KIF12: variants seen among roughly 807,000 people sequenced by gnomAD.
The protein encoded by KIF12 is kinesin-like protein KIF12.
A neutral mutation model predicts 87.9 loss-of-function variants in KIF12; 80 were observed. The observed-to-expected ratio is 0.91, with a 90% CI of 0.76 to 1.10. The LOEUF (loss-of-function observed/expected upper bound fraction) is 1.10. KIF12 is among the 50% of genes least tolerant of loss of function. KIF12 has a pLI of 0.00. For missense variants in KIF12, 819 were observed against 865.3 expected (o/e 0.95, Z 0.67); for synonymous variants, 353 against 348.5 (o/e 1.01, Z -0.14).
At position 114,096,494 on chromosome 9, in the gene KIF12, A is replaced by T. The variant is rs1415402159; in HGVS notation, c.647-16T>A. On this transcript the variant is annotated splice_polypyrimidine_tract_variant and intron_variant, in intron 7 of 18. Coordinates refer to ENST00000640217, the MANE Select transcript of KIF12 (RefSeq NM_001388308.1). ...CGGCTGAGACCTGGAAGGGAAAAACATCAGGAGCTGGACCTGGTAGGAAGA... is the reference window on the plus strand; with the variant it reads ...CGGCTGAGACCTGGAAGGGAAAAACTTCAGGAGCTGGACCTGGTAGGAAGA... 2.5e-6 allele frequency: 4 copies of T among 1,592,920 alleles called. No homozygotes were observed. Among genetic ancestry groups the T allele is most frequent in the Non-Finnish European group, 2.6e-6 (3 of 1,166,454 alleles).
rs775602719 is a variant in KIF12, at chr9:114,091,836, A to G, written c.*25T>C. On this transcript the variant is annotated 3_prime_UTR_variant, in exon 19 of 19. Transcript: ENST00000640217. ...GGAGCCCAGTCTGAGGTCACACAGC[A>G]GTCTCCTGGGTTCCCACTTGGCCTT... 6.4e-7 allele frequency: 1 copy of G among 1,573,464 alleles called. No individual in the cohort carries two copies. The highest frequency in any genetic ancestry group is 1.8e-5 in the Admixed American group (1 of 56,094).
At position 114,099,109 on chromosome 9, in the gene KIF12, C is replaced by T. The variant is rs955279294; in HGVS notation, c.87G>A (p.Val29=). ...CCTAGCCAATTTATACCCACCTGAG[C>T]ACCACCTGGATGGGCGTTTCCGGCC... ...PEGPETPIQV[V]LRVRPMSAAE... Residue 29 remains valine (V), a synonymous_variant, in exon 2 of 19, where the codon GTG becomes GTA. Coordinates refer to ENST00000640217, the MANE Select transcript of KIF12 (RefSeq NM_001388308.1). The T allele has an allele frequency of 1.9e-6, 3 of 1,550,572 alleles. No homozygotes were observed. Among genetic ancestry groups the T allele is most frequent in the Non-Finnish European group, 2.6e-6 (3 of 1,146,980 alleles).
At position 114,092,529 on chromosome 9, in the gene KIF12, A is replaced by C; in HGVS notation, c.1697+13T>G. 6.2e-7 allele frequency: 1 copy of C among 1,612,946 alleles called. No individual in the cohort carries two copies. Among genetic ancestry groups the C allele is most frequent in the South Asian group, 1.1e-5 (1 of 90,976 alleles). On this transcript the variant is annotated intron_variant, in intron 17 of 18. Coordinates refer to ENST00000640217, the MANE Select transcript of KIF12 (RefSeq NM_001388308.1). ...CACCCCTCTCTGACCTCAGTGCCCC[A>C]GGAGAGACCCACCTCTCTCTTGGGC...
chr9:114,094,197 C>T lies in KIF12; in HGVS notation c.1297G>A (p.Glu433Lys). The T allele has an allele frequency of 6.2e-7, 1 of 1,613,788 alleles. No homozygotes were observed. Among genetic ancestry groups the T allele is most frequent in the Non-Finnish European group, 8.5e-7 (1 of 1,179,874 alleles). ...GTGCCCTACCTGAGCCTCTCATTCT[C>T]TAGCATGAACTCCTGTAGCATCCCG... ...LYGMLQEFML[E>K]NERLRKEKSQ... is the part of the protein sequence containing the mutation. Residue 433 changes from glutamate to lysine, a missense_variant, in exon 13 of 19, where the codon GAG becomes AAG. By Grantham distance (56) the Glu-to-Lys change is moderately conservative (BLOSUM62 1). Transcript: ENST00000640217.
rs1217730298 is a variant in KIF12 at position 114,092,588 on chromosome 9, A to G, written c.1651T>C (p.Trp551Arg). The G allele has an allele frequency of 1.9e-6, 3 of 1,606,876 alleles. No individual in the cohort carries two copies. Among genetic ancestry groups the G allele is most frequent in the Non-Finnish European group, 2.5e-6 (3 of 1,178,116 alleles). The part of the protein sequence containing the change: ...GRPPSARPPP[W>R]APPCSPGSAK... The stretch of plus-strand genomic sequence containing the variant: ...GAGCCAGGGCTGCATGGGGGTGCCC[A>G]GGGTGGGGGCCGGGCAGATGGGGGC... The change falls in exon 17 of 19, where the codon TGG becomes CGG. Residue 551 changes from tryptophan to arginine, a missense_variant. Coordinates refer to ENST00000640217, the MANE Select transcript of KIF12 (RefSeq NM_001388308.1).
chr9:114,097,538 T>G, intron 6 of KIF12, 69 bp downstream of exon 6: 2 of 1,600,442 alleles, frequency 1.2e-6, no homozygotes, highest in Non-Finnish European at 1.7e-6. Context: ...TGTCCTTTGA[T>G]CCAGGCTCCC....
intron 6 of KIF12, 83 bp downstream of exon 6, chr9:114,097,524 C>G (rs1847283454): frequency 6.3e-7 from 1 of 1,593,642 alleles, no homozygotes; most frequent in Admixed American, 1.7e-5. Flanking sequence ...CCCACCGCCT[C>G]TTCTGTCCTT....
At chr9:114,098,913 G>A in intron 3 of KIF12, 22 bp downstream of exon 3, 5 of 1,543,528 alleles carry the variant, frequency 3.2e-6, no homozygotes, top group Non-Finnish European at 4.4e-6. Context: ...TTATTGGGGA[G>A]ATAGAGAGAG....
Position 114,093,415 on chromosome 9 carries a change from G to C in KIF12, c.1483C>G (p.Pro495Ala), listed in dbSNP as rs542186713. 4.5e-6 allele frequency: 7 copies of C among 1,566,014 alleles called. No homozygotes were observed. In the African/African-American group the frequency reaches 9.4e-5, roughly 21 times the overall value. The change falls in exon 15 of 19, where the codon CCT becomes GCT. Residue 495 changes from proline (P) to alanine (A), a missense_variant. Coordinates refer to ENST00000640217, the MANE Select transcript of KIF12 (RefSeq NM_001388308.1). ...PCPCLMAPAP[P>A]CHALPPLYSC... ...TGGGCCGTGAGACTCACATGGCAAG[G>C]GGGAGCTGGGGCCATCAAGCAGGGA...
intron 13 of KIF12, 61 bp downstream of exon 13, chr9:114,094,120 G>A (rs975831758): frequency 4.1e-5 from 63 of 1,547,302 alleles, no homozygotes; most frequent in Non-Finnish European, 5.6e-5. Flanking sequence ...CAGTTTGCCA[G>A]AAGCAGCCTA....
At position 114,093,304 on chromosome 9, in the gene KIF12, G is replaced by A; in HGVS notation, c.1521C>T (p.Cys507=). 1.3e-6 allele frequency: 2 copies of A among 1,560,698 alleles called. No individual in the cohort carries two copies. Among genetic ancestry groups the A allele is most frequent in the Non-Finnish European group, 1.7e-6 (2 of 1,151,698 alleles). Residue 507 remains cysteine (C), a synonymous_variant, in exon 16 of 19, where the codon TGC becomes TGT. Transcript: ENST00000640217. ...HALPPLYSCP[C]CHICPLCRVP... ...CTCGACACAGTGGGCAGATGTGGCA[G>A]CAGGGGCAGGAGTAGAGGGGTGGCA...
In KIF12 at chr9:114,099,108, G is replaced by A; in HGVS notation, c.88C>T (p.Leu30Phe). Residue 30 changes from leucine (L) to phenylalanine (F), a missense_variant, in exon 2 of 19, where the codon CTC (leucine) becomes TTC (phenylalanine). Coordinates refer to ENST00000640217, the MANE Select transcript of KIF12 (RefSeq NM_001388308.1). ...TCCTAGCCAATTTATACCCACCTGA[G>A]CACCACCTGGATGGGCGTTTCCGGC... ...EGPETPIQVV[L>F]RVRPMSAAEL... 1 of 1,550,538 alleles carries A rather than the reference G, an allele frequency of 6.4e-7. No homozygotes were observed. Among genetic ancestry groups the A allele is most frequent in the South Asian group, 1.2e-5 (1 of 84,060 alleles).
At chr9:114,094,071 A>G (rs1847102931) in intron 13 of KIF12, 99 bp from the exon 14 acceptor site, 12 of 1,436,724 alleles carry the variant, frequency 8.4e-6, no homozygotes, top group Non-Finnish European at 7.8e-6. Flanking sequence ...TTCAGGAAGC[A>G]GGTGGGGACA....
chr9:114,094,076 G>T, intron 13 of KIF12, 104 bp from the exon 14 acceptor site: 5 of 1,434,572 alleles, frequency 3.5e-6, no homozygotes, highest in Non-Finnish European at 4.9e-6. Context: ...GAAGCAGGTG[G>T]GGACATAAGG....
Position 114,099,092 on chromosome 9 carries a change from A to T in KIF12, c.92+12T>A. On this transcript the variant is annotated intron_variant, in intron 2 of 18. Coordinates refer to ENST00000640217, the MANE Select transcript of KIF12 (RefSeq NM_001388308.1). ...GTCTCGCCCAGGTGCCTCCTAGCCA[A>T]TTTATACCCACCTGAGCACCACCTG... The T allele has an allele frequency of 6.5e-7, 1 of 1,550,386 alleles. No homozygotes were observed. The highest frequency in any genetic ancestry group is 8.7e-7 in the Non-Finnish European group (1 of 1,146,922).
At position 114,099,003 on chromosome 9, in the gene KIF12, T is replaced by G; in HGVS notation, c.103A>C (p.Met35Leu). Residue 35 changes from methionine (M) to leucine (L), a missense_variant, in exon 3 of 19, where the codon ATG (methionine) becomes CTG (leucine). Met to Leu is a conservative substitution (Grantham distance 15). Coordinates refer to ENST00000640217, the MANE Select transcript of KIF12 (RefSeq NM_001388308.1). ...CCTCGACGCAGCTCGGCCGCGCTCA[T>G]GGGACGTACCCTGGGGTCCGACAGA... ...PIQVVLRVRP[M>L]SAAELRRGQQ... 6.5e-7 allele frequency: 1 copy of G among 1,550,284 alleles called. No homozygotes were observed. Among genetic ancestry groups the G allele is most frequent in the Non-Finnish European group, 8.7e-7 (1 of 1,146,840 alleles).
At chr9:114,095,798 T>C (rs1488992070) in intron 9 of KIF12, among the ~76,000 whole-genome samples, 3 of 152,232 alleles carry the variant, frequency 2.0e-5, no homozygotes, top group African/African-American at 4.8e-5. Flanking sequence ...TCTTCTGCAG[T>C]TGAGTGGTTC....
Position 114,097,821 on chromosome 9 carries a change from C to CAA in KIF12, c.376-81_376-80insTT, listed in dbSNP as rs1847301858. The CAA allele has an allele frequency of 1.0e-5, 15 of 1,462,666 alleles. No individual in the cohort carries two copies. The Admixed American group carries it at 1.4e-4, about 13-fold the overall frequency. 90.6% of individuals were successfully genotyped at this position (1,462,666 alleles called of 1,614,324 possible). A position where few individuals can be genotyped will look rare whatever the true frequency, so the allele number is the denominator to read the frequency against. ...GTAGCGCATGTATGATACCGTGCGC[C>CAA]GGGAAACGTGCCAAGTTCCCAAACA... On this transcript the variant is annotated intron_variant, in intron 5 of 18. Coordinates refer to ENST00000640217, the MANE Select transcript of KIF12 (RefSeq NM_001388308.1).
chr9:114,096,570 G>T, intron 7 of KIF12, 92 bp from the exon 8 acceptor site: 1 of 1,117,244 alleles, frequency 9.0e-7, no homozygotes, highest in Non-Finnish European at 1.3e-6. Context: ...TGGCGGAAGG[G>T]TCAGCCTCAT....
Sources: gnomAD v4.1 joint callset for allele counts (sites outside exome capture counted in the v4.1 genomes callset) on GRCh38, gnomAD v4.1.1 for gene constraint, MANE v1.5 for transcripts, NCBI Gene and HGNC (gene_info 2026-07-23, HGNC 2026-07-21) for gene names.